PVALB: variants seen among roughly 807,000 people sequenced by gnomAD.
The protein encoded by PVALB is parvalbumin.
In PVALB, 11 loss-of-function variants were observed where a neutral mutation model predicts 10.9. The ratio of observed to expected loss-of-function variants is 1.01; its 90% CI spans 0.63 to 1.67. PVALB has a LOEUF of 1.67. PVALB is among the 40% of genes most tolerant of loss of function. PVALB has a pLI of 0.00. For missense variants in PVALB, 131 were observed against 136.2 expected, an observed-to-expected ratio of 0.96 and a Z score of 0.19; for synonymous variants, 57 against 50.7, an observed-to-expected ratio of 1.12 and a Z score of -0.53.
At chr22:36,804,790 C>T (rs1031308956) in intron 3 of PVALB, among the ~76,000 whole-genome samples, 2 of 152,036 alleles carry the variant, frequency 1.3e-5, no homozygotes, top group African/African-American at 2.4e-5. Flanking sequence ...AAAAGTCAGC[C>T]GGGAGTGGTG....
intron 1 of PVALB, among the ~76,000 whole-genome samples, chr22:36,815,852 A>G (rs760661627): frequency 3.3e-5 from 5 of 151,950 alleles, no homozygotes; most frequent in Non-Finnish European, 5.9e-5. Flanking sequence ...GTTTCTTCCC[A>G]CATGGGCTTG....
intron 1 of PVALB, chr22:36,815,496 AC>A (rs1322350921): frequency 2.0e-6 from 1 of 493,700 alleles, no homozygotes; most frequent in Admixed American, 3.3e-5. Context: ...CCCCACCTCC[AC>A]TGCACCCATT....
chr22:36,815,422 A>G, intron 1 of PVALB, 187 bp from the exon 2 acceptor site: 1 of 756,716 alleles, frequency 1.3e-6, no homozygotes, highest in Non-Finnish European at 2.1e-6. Flanking sequence ...CAAGGTCACA[A>G]GGCTGGGAGT....
intron 3 of PVALB, among the ~76,000 whole-genome samples, chr22:36,812,822 T>C (rs547436133): frequency 3.5e-4 from 54 of 152,334 alleles, no homozygotes; most frequent in African/African-American, 1.2e-3. Flanking sequence ...TCCTAGCTCT[T>C]TCAACTAGGC....
At chr22:36,804,297 G>A (rs981933153) in intron 3 of PVALB, among the ~76,000 whole-genome samples, 8 of 152,158 alleles carry the variant, frequency 5.3e-5, no homozygotes, top group African/African-American at 1.2e-4. Context: ...CTCCGGTGAC[G>A]GAAAGTCAGA....
At chr22:36,814,781 A>C (rs1426754923) in intron 2 of PVALB, among the ~76,000 whole-genome samples, 1 of 152,204 alleles carries the variant, frequency 6.6e-6, no homozygotes. Context: ...TGCCCTGCCT[A>C]TGGTGTTAGG....
chr22:36,804,345 G>A (rs932638385), intron 3 of PVALB, among the ~76,000 whole-genome samples: 1 of 152,204 alleles, frequency 6.6e-6, no homozygotes, highest in Non-Finnish European at 1.5e-5. Flanking sequence ...CTTTGGAGCT[G>A]TGGGGTTTTT....
At chr22:36,817,230 A>AC (rs919483687), upstream of PVALB, 9 of 365,318 alleles carry the variant, frequency 2.5e-5, no homozygotes, top group Non-Finnish European at 3.4e-5. Context: ...CGGACCTGCT[A>AC]CCACTCCTGC....
intron 3 of PVALB, among the ~76,000 whole-genome samples, chr22:36,802,138 A>G (rs113371371): frequency 0.014 from 2,085 of 152,292 alleles, 54 homozygotes; most frequent in African/African-American, 0.047. Context: ...AGTTTTCATC[A>G]TTGTACTGTG....
At chr22:36,808,990 G>A (rs1265048042) in intron 3 of PVALB, among the ~76,000 whole-genome samples, 2 of 152,066 alleles carry the variant, frequency 1.3e-5, no homozygotes, top group Non-Finnish European at 2.9e-5. Flanking sequence ...CCCCAGAGAC[G>A]GGAATGCAAA....
intron 2 of PVALB, 44 bp from the exon 3 acceptor site, chr22:36,813,799 G>A: frequency 6.7e-7 from 1 of 1,495,888 alleles, no homozygotes; most frequent in Non-Finnish European, 9.3e-7. Flanking sequence ...GTCAGGCCGA[G>A]GTCGCCTTGC....
At position 36,815,207 on chromosome 22, in the gene PVALB, G is replaced by A; in HGVS notation, c.90C>T (p.Phe30=). The change falls in exon 2 of 4, where the codon TTC becomes TTT. Residue 30 remains phenylalanine (F), a synonymous_variant. Coordinates refer to ENST00000417718, the MANE Select transcript of PVALB (RefSeq NM_001315532.2). The part of the protein sequence containing the change: ...SATDSFDHKK[F]FQMVGLKKKS... ...TTTTCTTCAGGCCGACCATTTGGAAGAACTTTTTGTGGTCGAAGGAGTCGG... is the reference window on the plus strand; with the variant it reads ...TTTTCTTCAGGCCGACCATTTGGAAAAACTTTTTGTGGTCGAAGGAGTCGG... 1 of 1,614,212 alleles carries A rather than the reference G, an allele frequency of 6.2e-7. No individual in the cohort carries two copies. The highest frequency in any genetic ancestry group is 1.1e-5 in the South Asian group (1 of 91,084).
At chr22:36,801,261 G>T (rs1464773197) in intron 3 of PVALB, among the ~76,000 whole-genome samples, 1 of 152,180 alleles carries the variant, frequency 6.6e-6, no homozygotes, top group African/African-American at 2.4e-5. Flanking sequence ...CACTTTATAT[G>T]CAATATCTTA....
At chr22:36,816,045 T>TGTG (rs1555911588) in intron 1 of PVALB, among the ~76,000 whole-genome samples, 4,688 of 134,226 alleles carry the variant, frequency 0.035, 242 homozygotes, top group African/African-American at 0.15. Flanking sequence ...ATCATGTATT[T>TGTG]TGTGTGTGTG....
intron 1 of PVALB, among the ~76,000 whole-genome samples, chr22:36,815,936 G>A (rs946400546): frequency 6.6e-6 from 1 of 152,068 alleles, no homozygotes; most frequent in Non-Finnish European, 1.5e-5. Context: ...CCAGGGGAGG[G>A]GGTGCAAAGC....
intron 3 of PVALB, among the ~76,000 whole-genome samples, chr22:36,807,614 A>G (rs1445926493): frequency 6.6e-6 from 1 of 152,158 alleles, no homozygotes; most frequent in Non-Finnish European, 1.5e-5. Flanking sequence ...TCATTTCTAG[A>G]ACATTCTCTT....
At chr22:36,811,288 TAAATAAATAAATA>T (rs1939042573) in intron 3 of PVALB, among the ~76,000 whole-genome samples, 1 of 91,988 alleles carries the variant, frequency 1.1e-5, no homozygotes, top group South Asian at 3.0e-4. Flanking sequence ...AATAAATAAA[TAAATAAATAAATA>T]AATAAATAAG....
intron 1 of PVALB, among the ~76,000 whole-genome samples, chr22:36,815,932 G>T (rs913652532): frequency 6.6e-6 from 1 of 152,116 alleles, no homozygotes; most frequent in African/African-American, 2.4e-5. Context: ...GTGCCCAGGG[G>T]AGGGGGTGCA....
intron 3 of PVALB, among the ~76,000 whole-genome samples, chr22:36,810,378 C>T (rs538358370): frequency 2.0e-5 from 3 of 152,310 alleles, no homozygotes; most frequent in Admixed American, 2.0e-4. Context: ...CTTCCCATCT[C>T]GCTGCCTATT....
Sources: gnomAD v4.1 joint callset for allele counts (sites outside exome capture counted in the v4.1 genomes callset) on GRCh38, gnomAD v4.1.1 for gene constraint, MANE v1.5 for transcripts, NCBI Gene and HGNC (gene_info 2026-07-23, HGNC 2026-07-21) for gene names.